FER1L6: variants seen among roughly 807,000 people sequenced by gnomAD.
FER1L6 encodes fer-1-like protein 6.
In FER1L6, 177 loss-of-function variants were observed where a neutral mutation model predicts 219.2. That is an observed-to-expected ratio of 0.81 (90% CI 0.71 to 0.91). The LOEUF (loss-of-function observed/expected upper bound fraction) is 0.91. Among genes scored for constraint, FER1L6 ranks in the 40% least tolerant of loss-of-function variants. The pLI is 0.00. For missense variants in FER1L6, 2,153 were observed against 2,259.9 expected, an observed-to-expected ratio of 0.95 and a Z score of 0.96; for synonymous variants, 768 against 824.3, an observed-to-expected ratio of 0.93 and a Z score of 1.17.
rs560798132 is a variant in FER1L6, at chr8:124,021,809, T to A, written c.2133+140T>A. The A allele has an allele frequency of 9.8e-4, 878 of 895,442 alleles. 2 individuals carry two copies. Among genetic ancestry groups the A allele is most frequent in the Non-Finnish European group, 1.3e-3 (797 of 593,318 alleles). 55.5% of individuals were successfully genotyped at this position (895,442 alleles called of 1,614,324 possible). On this transcript the variant is annotated intron_variant, in intron 17 of 40. Transcript: ENST00000522917. ...GTGGGCTACGCAGGCACTCCTAGTTTAGAGAAGAGATTTTTAAATTAAACC... is the reference window on the plus strand; with the variant it reads ...GTGGGCTACGCAGGCACTCCTAGTTAAGAGAAGAGATTTTTAAATTAAACC...
At chr8:123,857,241 G>A (rs1168654406) in intron 1 of FER1L6, among the ~76,000 whole-genome samples, 1 of 152,218 alleles carries the variant, frequency 6.6e-6, no homozygotes, top group Non-Finnish European at 1.5e-5. Flanking sequence ...TTGGCACGAT[G>A]GCTCATGCCT....
intron 20 of FER1L6, among the ~76,000 whole-genome samples, chr8:124,043,680 T>A (rs907639410): frequency 6.6e-6 from 1 of 152,188 alleles, no homozygotes; most frequent in Non-Finnish European, 1.5e-5. Flanking sequence ...CCAGAGTCTA[T>A]ATTCATCATC....
intron 22 of FER1L6, among the ~76,000 whole-genome samples, chr8:124,058,075 A>G (rs1344494031): frequency 2.0e-5 from 3 of 152,238 alleles, no homozygotes; most frequent in Non-Finnish European, 4.4e-5. Context: ...AGTAAGTGAT[A>G]GAGCCCAAGT....
chr8:123,854,027 G>A lies in FER1L6; in HGVS notation c.-8+1842G>A, dbSNP rs140847544. Among the ~76,000 whole-genome samples, 12 of 152,268 alleles carry A rather than the reference G, an allele frequency of 7.9e-5. No homozygotes were observed. The East Asian group carries it at 2.1e-3, about 27-fold the overall frequency. On this transcript the variant is annotated intron_variant, in intron 1 of 40. Coordinates refer to ENST00000522917, the MANE Select transcript of FER1L6 (RefSeq NM_001039112.2). Reference sequence around the variant, plus strand: ...TCTGAGTGCTGGCCCTTCAGTAAAGGCCTGTGTGACTTCTGGCAGGCTCCT... The same window carrying A: ...TCTGAGTGCTGGCCCTTCAGTAAAGACCTGTGTGACTTCTGGCAGGCTCCT...
At chr8:123,877,463 G>A (rs376448730) in intron 1 of FER1L6, among the ~76,000 whole-genome samples, 2 of 152,158 alleles carry the variant, frequency 1.3e-5, no homozygotes, top group African/African-American at 4.8e-5. Context: ...AGGATTTGTG[G>A]GGGCTTTGGG....
chr8:123,868,123 T>C (rs78930347), intron 1 of FER1L6, among the ~76,000 whole-genome samples: 1 of 110,312 alleles, frequency 9.1e-6, no homozygotes, highest in Non-Finnish European at 2.0e-5. Context: ...CCGCTCCTTC[T>C]CCCCTCATTT....
chr8:124,042,710 C>T (rs919504585), intron 20 of FER1L6, among the ~76,000 whole-genome samples: 1 of 152,130 alleles, frequency 6.6e-6, no homozygotes, highest in African/African-American at 2.4e-5. Flanking sequence ...GCAGTCATAG[C>T]CGAGTGCCAC....
At chr8:124,003,487 G>A (rs1409441717) in intron 13 of FER1L6, 140 bp downstream of exon 13, 28 of 605,326 alleles carry the variant, frequency 4.6e-5, no homozygotes, top group Admixed American at 1.1e-4. Flanking sequence ...TTTTTGAGAC[G>A]GAGTCTTGCT....
At chr8:123,870,436 G>C (rs1219372321) in intron 1 of FER1L6, among the ~76,000 whole-genome samples, 1 of 152,162 alleles carries the variant, frequency 6.6e-6, no homozygotes, top group Non-Finnish European at 1.5e-5. Context: ...AAAAGCTGTA[G>C]TACATTCATG....
At position 123,980,610 on chromosome 8, in the gene FER1L6, G is replaced by A; in HGVS notation, c.1209G>A (p.Val403=). Residue 403 remains valine (V), a synonymous_variant, in exon 11 of 41, where the codon GTG becomes GTA. Transcript: ENST00000522917. The part of the protein sequence containing the change: ...FRGRILVEIA[V]EILSGRAQES... Reference sequence around the variant, plus strand: ...GCAGAATCTTGGTAGAAATTGCTGTGGAAATCCTCTCAGGACGGGCACAGG... The same window carrying A: ...GCAGAATCTTGGTAGAAATTGCTGTAGAAATCCTCTCAGGACGGGCACAGG... 1 of 1,614,112 alleles carries A rather than the reference G, an allele frequency of 6.2e-7. No homozygotes were observed. Among genetic ancestry groups the A allele is most frequent in the Non-Finnish European group, 8.5e-7 (1 of 1,180,018 alleles).
rs751557983 is a variant in FER1L6 at position 123,970,181 on chromosome 8, C to A, written c.447+84C>A. ...GGACTCTCTGGGACAACTCAGCATACTTAGCGGGGAATAGATTCAGGAGGG... is the reference window on the plus strand; with the variant it reads ...GGACTCTCTGGGACAACTCAGCATAATTAGCGGGGAATAGATTCAGGAGGG... On this transcript the variant is annotated intron_variant, in intron 6 of 40. Transcript: ENST00000522917. 14 of 1,219,342 alleles carry A rather than the reference C, an allele frequency of 1.1e-5. No individual in the cohort carries two copies. In the South Asian group the frequency reaches 1.7e-4, roughly 15 times the overall value. The allele number at this position is 1,219,342 out of a possible 1,614,324, so 75.5% of individuals were successfully genotyped here.
intron 1 of FER1L6, among the ~76,000 whole-genome samples, chr8:123,931,849 A>G (rs756603308): frequency 6.6e-6 from 1 of 152,242 alleles, no homozygotes; most frequent in Non-Finnish European, 1.5e-5. Context: ...TGCTGGGGGT[A>G]TAAGCCATAA....
chr8:123,980,841 T>C (rs968447583), intron 11 of FER1L6, 30 bp downstream of exon 11: 7 of 1,560,642 alleles, frequency 4.5e-6, no homozygotes, highest in East Asian at 2.2e-5. Flanking sequence ...TATGGTACTT[T>C]ACCTATGAGG....
intron 34 of FER1L6, among the ~76,000 whole-genome samples, chr8:124,092,811 G>T (rs1351934142): frequency 4.0e-5 from 6 of 151,706 alleles, no homozygotes; most frequent in Non-Finnish European, 7.4e-5. Context: ...GCACTCACAT[G>T]GCCAGAGCAG....
intron 1 of FER1L6, among the ~76,000 whole-genome samples, chr8:123,941,048 C>T (rs1163597994): frequency 4.6e-5 from 7 of 152,090 alleles, no homozygotes; most frequent in South Asian, 4.1e-4. Flanking sequence ...GTTCAATAAA[C>T]GTTTGTGGTG....
Position 124,076,215 on chromosome 8 carries a change from A to G in FER1L6, c.4110A>G (p.Pro1370=). The G allele has an allele frequency of 6.2e-7, 1 of 1,614,092 alleles. No homozygotes were observed. ...VYIVAAFNLS[P]ADPDGKSDPY... is the part of the protein sequence containing the mutation. ...CTTTCCAGGCATTTAATCTTAGTCCAGCTGATCCAGATGGCAAATCAGATC... is the reference window on the plus strand; with the variant it reads ...CTTTCCAGGCATTTAATCTTAGTCCGGCTGATCCAGATGGCAAATCAGATC... The change falls in exon 32 of 41, where the codon CCA becomes CCG. Residue 1370 remains proline, a synonymous_variant. Transcript: ENST00000522917.
At position 123,963,409 on chromosome 8, in the gene FER1L6, G is replaced by A; in HGVS notation, c.197+11G>A. 6.2e-7 allele frequency: 1 copy of A among 1,613,720 alleles called. No individual in the cohort carries two copies. The highest frequency in any genetic ancestry group is 8.5e-7 in the Non-Finnish European group (1 of 1,179,724). On this transcript the variant is annotated intron_variant, in intron 3 of 40. Coordinates refer to ENST00000522917, the MANE Select transcript of FER1L6 (RefSeq NM_001039112.2). Reference sequence around the variant, plus strand: ...TTCTCCAAAGAGAAGGTACAGTATGGATGCAGGTGGTCAACACACATTTGC... The same window carrying A: ...TTCTCCAAAGAGAAGGTACAGTATGAATGCAGGTGGTCAACACACATTTGC...
At chr8:123,945,086 A>T (rs1047608327) in intron 1 of FER1L6, among the ~76,000 whole-genome samples, 2 of 152,200 alleles carry the variant, frequency 1.3e-5, no homozygotes, top group Non-Finnish European at 1.5e-5. Context: ...TATCATCTTC[A>T]GTAGCAAATC....
At chr8:123,990,348 T>A (rs1177574306) in intron 12 of FER1L6, among the ~76,000 whole-genome samples, 1 of 152,252 alleles carries the variant, frequency 6.6e-6, no homozygotes, top group African/African-American at 2.4e-5. Context: ...ACCAGCAGTC[T>A]GTAAGCATTC....
Sources: allele counts gnomAD v4.1 joint callset (sites outside exome capture counted in the v4.1 genomes callset), GRCh38; gene constraint gnomAD v4.1.1; transcripts MANE v1.5; gene names NCBI Gene and HGNC (gene_info 2026-07-23, HGNC 2026-07-21).